The following MEIS2 variants were observed in gnomAD, a reference collection of about 807,000 sequenced individuals.
MEIS2 encodes homeobox protein Meis2.
A neutral mutation model predicts 58.6 loss-of-function variants in MEIS2; 9 were observed. That is an observed-to-expected ratio of 0.15 (90% CI 0.09 to 0.27). The LOEUF (loss-of-function observed/expected upper bound fraction) is 0.27, where lower values mean the gene tolerates loss of function less well. MEIS2 is among the 10% of genes least tolerant of loss of function. The pLI is 1.00. For missense variants in MEIS2, 427 were observed against 635.0 expected (o/e 0.67, Z 3.52); for synonymous variants, 221 against 228.4 (o/e 0.97, Z 0.29).
In MEIS2 at chr15:37,095,231, G is replaced by A. The variant is rs893681638; in HGVS notation, c.438+333C>T. Among the ~76,000 whole-genome samples the A allele has an allele frequency of 5.0e-5, 6 of 119,414 alleles. No homozygotes were observed. In the Admixed American group the frequency reaches 6.3e-4, roughly 13 times the overall value. The allele number at this position is 119,414 out of a possible 152,430, so 78.3% of individuals were successfully genotyped here. On this transcript the variant is annotated intron_variant, in intron 4 of 11. Transcript: ENST00000561208. The stretch of plus-strand genomic sequence containing the variant: ...GTTACATCCTTCGGGTTAGCCGCCC[G>A]GGGCTCGGCCGCCTGCCCCGGCAAA...
intron 9 of MEIS2, among the ~76,000 whole-genome samples, chr15:36,918,579 G>A (rs1037131328): frequency 6.6e-6 from 1 of 152,220 alleles, no homozygotes; most frequent in Non-Finnish European, 1.5e-5. Flanking sequence ...AAAGGTTGGA[G>A]TTTAGCGGTA....
chr15:37,005,753 G>A (rs1023335342), intron 8 of MEIS2, among the ~76,000 whole-genome samples: 8 of 152,018 alleles, frequency 5.3e-5, no homozygotes, highest in East Asian at 1.9e-4. Context: ...GAGAGGAGGC[G>A]TTGTCATGTT....
chr15:36,979,571 A>G (rs1412222889), intron 8 of MEIS2, among the ~76,000 whole-genome samples: 1 of 151,784 alleles, frequency 6.6e-6, no homozygotes, highest in Non-Finnish European at 1.5e-5. Context: ...TTTTTCACTA[A>G]TGAATTACCT....
chr15:37,101,223 C>A (rs975295131), upstream of MEIS2: 13 of 152,354 alleles, frequency 8.5e-5, no homozygotes, highest in African/African-American at 3.1e-4. Context: ...AGGGGCCACC[C>A]CGAGAGTCTT....
At chr15:37,060,082 G>T (rs1888999640) in intron 7 of MEIS2, among the ~76,000 whole-genome samples, 1 of 152,068 alleles carries the variant, frequency 6.6e-6, no homozygotes, top group Admixed American at 6.5e-5. Flanking sequence ...AGGGCTACAG[G>T]TGCATGCCAC....
chr15:37,024,547 C>T (rs947434612), intron 8 of MEIS2, among the ~76,000 whole-genome samples: 20 of 152,204 alleles, frequency 1.3e-4, no homozygotes, highest in African/African-American at 4.3e-4. Context: ...TAGAAGCTTT[C>T]CTCACTCTTC....
chr15:37,092,939 T>C (rs1893724086), intron 6 of MEIS2, among the ~76,000 whole-genome samples: 2 of 152,216 alleles, frequency 1.3e-5, no homozygotes, highest in Admixed American at 6.5e-5. Context: ...CAGCTTTCTG[T>C]AATACATTGT....
intron 7 of MEIS2, among the ~76,000 whole-genome samples, chr15:37,073,388 C>T (rs1890966273): frequency 6.6e-6 from 1 of 151,948 alleles, no homozygotes; most frequent in Non-Finnish European, 1.5e-5. Flanking sequence ...ATGGTACTCC[C>T]CCCACCACCA....
chr15:36,975,983 A>T (rs558665606), intron 8 of MEIS2, among the ~76,000 whole-genome samples: 3 of 152,348 alleles, frequency 2.0e-5, no homozygotes, highest in South Asian at 4.1e-4. Flanking sequence ...AATATATACA[A>T]TTTTTATTTG....
chr15:36,922,299 T>C (rs1326121292), intron 9 of MEIS2, among the ~76,000 whole-genome samples: 1 of 152,132 alleles, frequency 6.6e-6, no homozygotes, highest in Admixed American at 6.5e-5. Context: ...ACAGAGCTGA[T>C]GTGAGAATCA....
At chr15:36,964,930 G>A (rs1262094839) in intron 8 of MEIS2, among the ~76,000 whole-genome samples, 3 of 152,158 alleles carry the variant, frequency 2.0e-5, no homozygotes, top group Non-Finnish European at 4.4e-5. Flanking sequence ...CTTTCCATCT[G>A]TCATTTTCAA....
At position 36,969,421 on chromosome 15, in the gene MEIS2, G is replaced by A. The variant is rs116509348; in HGVS notation, c.901-19021C>T. Reference sequence around the variant, plus strand: ...CTTCCTTCTCTCCACCTCCCTATTCGTCCATCCTTTTCTTCAAACACGAAA... The same window carrying A: ...CTTCCTTCTCTCCACCTCCCTATTCATCCATCCTTTTCTTCAAACACGAAA... On this transcript the variant is annotated intron_variant, in intron 8 of 11. Transcript: ENST00000561208. 9.6e-3 allele frequency among the ~76,000 whole-genome samples: 1,452 copies of A among 151,988 alleles called. 19 individuals are homozygous for A. The highest frequency in any genetic ancestry group is 0.032 in the African/African-American group (1,314 of 41,452).
chr15:37,098,837 T>C (rs1253837930), intron 1 of MEIS2: 5 of 853,748 alleles, frequency 5.9e-6, no homozygotes, highest in Non-Finnish European at 7.0e-6. Flanking sequence ...TAGGAAAGAC[T>C]AGGGCCAGTG....
At chr15:36,965,288 C>T (rs2059317271) in intron 8 of MEIS2, among the ~76,000 whole-genome samples, 1 of 152,074 alleles carries the variant, frequency 6.6e-6, no homozygotes, top group African/African-American at 2.4e-5. Flanking sequence ...TTTGATTATA[C>T]CAACTCAAGG....
intron 7 of MEIS2, among the ~76,000 whole-genome samples, chr15:37,040,953 C>T (rs1042894665): frequency 6.6e-6 from 1 of 152,136 alleles, no homozygotes; most frequent in African/African-American, 2.4e-5. Flanking sequence ...CTTTGGGAAG[C>T]CACTGACTAG....
chr15:37,092,300 T>C (rs560222217), intron 6 of MEIS2, among the ~76,000 whole-genome samples: 1 of 152,332 alleles, frequency 6.6e-6, no homozygotes, highest in African/African-American at 2.4e-5. Flanking sequence ...AATCTATGAC[T>C]GCATATTTTC....
intron 8 of MEIS2, among the ~76,000 whole-genome samples, chr15:36,967,341 C>CA (rs1191670740): frequency 4.6e-5 from 7 of 151,998 alleles, no homozygotes; most frequent in Non-Finnish European, 1.0e-4. Flanking sequence ...AGATAGGATG[C>CA]AAAAAAGAAT....
chr15:36,898,289 T>A (rs1381382830), intron 9 of MEIS2: 1 of 152,184 alleles, frequency 6.6e-6, no homozygotes, highest in African/African-American at 2.4e-5. Flanking sequence ...ATCTACTCTT[T>A]CCCCACCACT....
intron 8 of MEIS2, among the ~76,000 whole-genome samples, chr15:37,021,147 G>T (rs1404140778): frequency 1.3e-5 from 2 of 152,144 alleles, no homozygotes; most frequent in African/African-American, 4.8e-5. Context: ...TGTTATGGCA[G>T]CCCTAGCTAA....
Sources: allele counts gnomAD v4.1 joint callset (sites outside exome capture counted in the v4.1 genomes callset), GRCh38; gene constraint gnomAD v4.1.1; transcripts MANE v1.5; gene names NCBI Gene and HGNC (gene_info 2026-07-23, HGNC 2026-07-21).